Variants in DPY19L3 observed in about 807,000 individuals in gnomAD.
The protein encoded by DPY19L3 is protein C-mannosyl-transferase DPY19L3.
DPY19L3 carries 51 observed loss-of-function variants against 92.3 expected under a neutral mutation model. The observed-to-expected ratio is 0.55, with a 90% CI of 0.44 to 0.70. The LOEUF (loss-of-function observed/expected upper bound fraction) is 0.70. DPY19L3 is among the 30% of genes least tolerant of loss of function. DPY19L3 has a pLI of 0.00. For missense variants in DPY19L3, 706 were observed against 855.9 expected (o/e 0.82, Z 2.18); for synonymous variants, 309 against 315.2 (o/e 0.98, Z 0.21).
At chr19:32,439,452 A>G (rs1002589370) in intron 7 of DPY19L3, among the ~76,000 whole-genome samples, 4 of 152,184 alleles carry the variant, frequency 2.6e-5, no homozygotes, top group Non-Finnish European at 4.4e-5. Flanking sequence ...ACTCTACATA[A>G]TCTACCCTTA....
chr19:32,429,327 C>T (rs949697456), intron 3 of DPY19L3, among the ~76,000 whole-genome samples: 2 of 152,148 alleles, frequency 1.3e-5, no homozygotes, highest in Non-Finnish European at 2.9e-5. Context: ...TATATTTTCA[C>T]GGGTGTGATC....
intron 9 of DPY19L3, 76 bp downstream of exon 9, chr19:32,453,352 C>T: frequency 7.0e-7 from 1 of 1,427,240 alleles, no homozygotes; most frequent in African/African-American, 1.4e-5. Flanking sequence ...TATTTTCACA[C>T]AGCATACAAA....
At chr19:32,473,749 A>G (rs555871497) in intron 16 of DPY19L3, among the ~76,000 whole-genome samples, 2 of 152,340 alleles carry the variant, frequency 1.3e-5, no homozygotes. Context: ...GGAGGGAAGA[A>G]GCATCATCCC....
intron 16 of DPY19L3, among the ~76,000 whole-genome samples, chr19:32,477,233 A>G (rs1970538104): frequency 6.6e-6 from 1 of 152,124 alleles, no homozygotes; most frequent in Non-Finnish European, 1.5e-5. Context: ...CCCCACCGTT[A>G]TTCTGGTGAA....
Position 32,439,113 on chromosome 19 carries a change from A to T in DPY19L3, c.598A>T (p.Ile200Leu), listed in dbSNP as rs780960165. 1 of 1,610,888 alleles carries T rather than the reference A, an allele frequency of 6.2e-7. No homozygotes were observed. Among genetic ancestry groups the T allele is most frequent in the Admixed American group, 1.7e-5 (1 of 59,504 alleles). The change falls in exon 7 of 19, where the codon ATA becomes TTA. Residue 200 changes from isoleucine (I) to leucine (L), a missense_variant and splice_region_variant. Coordinates refer to ENST00000392250, the MANE Select transcript of DPY19L3 (RefSeq NM_001172774.2). ...LAAFWYVTNR[I>L]DTTRVEFTIP... The stretch of plus-strand genomic sequence containing the variant: ...CCATTTGTGTTTTCTTTTGTGCAGA[A>T]TAGATACCACAAGAGTTGAGTTTAC...
At chr19:32,407,780 A>G (rs1978384) in intron 1 of DPY19L3, among the ~76,000 whole-genome samples, 5,448 of 152,324 alleles carry the variant, frequency 0.036, 360 homozygotes, top group Admixed American at 0.17. Context: ...TTTGAAGGCC[A>G]GCAACGATTT....
chr19:32,445,440 CAAAAAAAA>C (rs71336904), intron 8 of DPY19L3, among the ~76,000 whole-genome samples: 4 of 42,824 alleles, frequency 9.3e-5, no homozygotes, highest in East Asian at 8.7e-4. Context: ...GACTTCATCT[CAAAAAAAA>C]AAAAAAAAAA....
intron 8 of DPY19L3, among the ~76,000 whole-genome samples, chr19:32,441,931 GT>G: frequency 6.6e-6 from 1 of 152,324 alleles, no homozygotes; most frequent in East Asian, 1.9e-4. Context: ...TTGAAACTGT[GT>G]TGGTATTAGA....
At chr19:32,424,306 T>A (rs1309495254) in intron 3 of DPY19L3, among the ~76,000 whole-genome samples, 1 of 142,664 alleles carries the variant, frequency 7.0e-6, no homozygotes, top group African/African-American at 2.6e-5. Context: ...GGCAACAGAG[T>A]GAGACCCTGT....
intron 8 of DPY19L3, among the ~76,000 whole-genome samples, chr19:32,445,440 CA>C (rs71336904): frequency 0.012 from 499 of 42,786 alleles, 6 homozygotes; most frequent in Non-Finnish European, 0.013. Flanking sequence ...GACTTCATCT[CA>C]AAAAAAAAAA....
At chr19:32,477,377 C>A in intron 16 of DPY19L3, 145 bp from the exon 17 acceptor site, 2 of 1,066,214 alleles carry the variant, frequency 1.9e-6, no homozygotes, top group Non-Finnish European at 2.7e-6. Flanking sequence ...CAAATCAAAA[C>A]CGAAGCAAAC....
intron 10 of DPY19L3, among the ~76,000 whole-genome samples, chr19:32,457,222 T>C (rs2145575315): frequency 6.6e-6 from 1 of 152,288 alleles, no homozygotes; most frequent in East Asian, 1.9e-4. Flanking sequence ...CAAGAGGAAG[T>C]AGAGAAAATT....
intron 3 of DPY19L3, among the ~76,000 whole-genome samples, chr19:32,416,460 C>A (rs538030740): frequency 6.6e-6 from 1 of 152,206 alleles, no homozygotes; most frequent in South Asian, 2.1e-4. Flanking sequence ...ACACCAGTGG[C>A]ACGTTTGGGG....
chr19:32,407,717 T>A (rs553536489), intron 1 of DPY19L3, among the ~76,000 whole-genome samples: 13 of 152,348 alleles, frequency 8.5e-5, no homozygotes, highest in African/African-American at 3.1e-4. Flanking sequence ...ACATGCTTCA[T>A]GAATAAATAT....
chr19:32,456,044 A>G, intron 10 of DPY19L3, among the ~76,000 whole-genome samples: 1 of 145,002 alleles, frequency 6.9e-6, no homozygotes, highest in East Asian at 2.0e-4. Flanking sequence ...GAAAAAAAAG[A>G]CTCTTCACTC....
intron 1 of DPY19L3, among the ~76,000 whole-genome samples, chr19:32,406,538 G>A (rs564360347): frequency 6.6e-6 from 1 of 151,986 alleles, no homozygotes; most frequent in Admixed American, 6.6e-5. Flanking sequence ...TTATTGTATA[G>A]ATAGGGTCTC....
At chr19:32,430,781 T>C (rs1261115020) in intron 3 of DPY19L3, among the ~76,000 whole-genome samples, 4 of 139,966 alleles carry the variant, frequency 2.9e-5, no homozygotes, top group Admixed American at 2.2e-4. Context: ...CATGCCACTA[T>C]GCCTGGCTAC....
chr19:32,466,495 C>T (rs921950635), intron 15 of DPY19L3, among the ~76,000 whole-genome samples: 2 of 152,226 alleles, frequency 1.3e-5, no homozygotes, highest in African/African-American at 2.4e-5. Flanking sequence ...GGCTGCTCTG[C>T]GGCAGCTTCA....
At chr19:32,476,762 C>A (rs918320441) in intron 16 of DPY19L3, among the ~76,000 whole-genome samples, 1 of 152,102 alleles carries the variant, frequency 6.6e-6, no homozygotes, top group Non-Finnish European at 1.5e-5. Context: ...CATATAGTTT[C>A]TCATAATCAG....
Sources: allele counts gnomAD v4.1 joint callset (sites outside exome capture counted in the v4.1 genomes callset), GRCh38; gene constraint gnomAD v4.1.1; transcripts MANE v1.5; gene names NCBI Gene and HGNC (gene_info 2026-07-23, HGNC 2026-07-21).